The following EXOC6B variants were observed in gnomAD, a reference collection of about 807,000 sequenced individuals.
EXOC6B encodes the protein exocyst complex component 6B.
In EXOC6B, 54 loss-of-function variants were observed where a neutral mutation model predicts 113.5. The ratio of observed to expected loss-of-function variants is 0.48; its 90% CI spans 0.38 to 0.60. The LOEUF (loss-of-function observed/expected upper bound fraction) is 0.60, where lower values mean the gene tolerates loss of function less well. EXOC6B is among the 20% of genes least tolerant of loss of function. The probability of loss-of-function intolerance (pLI) is 0.00; values close to 1 mark genes in which losing one functional copy is unlikely to be tolerated. For missense variants in EXOC6B, 797 were observed against 977.5 expected, an observed-to-expected ratio of 0.82 and a Z score of 2.46; for synonymous variants, 357 against 339.0, an observed-to-expected ratio of 1.05 and a Z score of -0.58.
At chr2:72,533,034 T>C in intron 8 of EXOC6B, among the ~76,000 whole-genome samples, 1 of 152,162 alleles carries the variant, frequency 6.6e-6, no homozygotes, top group East Asian at 1.9e-4. Context: ...TTTGAAATAG[T>C]CAAATATCTG....
intron 6 of EXOC6B, among the ~76,000 whole-genome samples, chr2:72,597,999 G>A (rs1670183476): frequency 6.6e-6 from 1 of 151,782 alleles, no homozygotes; most frequent in Admixed American, 6.6e-5. Context: ...TATTATAATG[G>A]GAGAATTCAA....
intron 20 of EXOC6B, among the ~76,000 whole-genome samples, chr2:72,304,740 T>G (rs1330603632): frequency 6.6e-6 from 1 of 152,140 alleles, no homozygotes; most frequent in Admixed American, 6.5e-5. Flanking sequence ...AGAGCCCTGT[T>G]TTTGGTTATA....
intron 18 of EXOC6B, among the ~76,000 whole-genome samples, chr2:72,459,439 T>G (rs1697480962): frequency 6.6e-6 from 1 of 152,282 alleles, no homozygotes; most frequent in East Asian, 1.9e-4. Flanking sequence ...ATGACAAGAT[T>G]GTATATCTAG....
At chr2:72,664,546 C>T (rs1207514235) in intron 6 of EXOC6B, among the ~76,000 whole-genome samples, 1 of 152,178 alleles carries the variant, frequency 6.6e-6, no homozygotes, top group Non-Finnish European at 1.5e-5. Flanking sequence ...ATAACTCCAA[C>T]CTGAGCAGAG....
At chr2:72,783,252 T>C (rs1344338978) in intron 1 of EXOC6B, among the ~76,000 whole-genome samples, 1 of 151,388 alleles carries the variant, frequency 6.6e-6, no homozygotes. Context: ...ATGGTTTTGA[T>C]TGCATTTCTC....
chr2:72,678,108 C>G (rs892554826), intron 6 of EXOC6B, among the ~76,000 whole-genome samples: 1 of 152,206 alleles, frequency 6.6e-6, no homozygotes, highest in African/African-American at 2.4e-5. Flanking sequence ...CTGACAACAT[C>G]AATGTATTGC....
chr2:72,740,829 G>A (rs1356811031), intron 2 of EXOC6B, among the ~76,000 whole-genome samples: 2 of 151,844 alleles, frequency 1.3e-5, no homozygotes, highest in Non-Finnish European at 2.9e-5. Flanking sequence ...TTGGCTGGGC[G>A]TGGTGGCTCA....
chr2:72,686,418 C>T (rs185388996), intron 6 of EXOC6B, among the ~76,000 whole-genome samples: 10 of 152,236 alleles, frequency 6.6e-5, no homozygotes, highest in South Asian at 2.1e-4. Context: ...GAGATACTCT[C>T]TTAGAGAAGA....
At chr2:72,486,852 G>T (rs1573234203) in intron 16 of EXOC6B, among the ~76,000 whole-genome samples, 1 of 149,968 alleles carries the variant, frequency 6.7e-6, no homozygotes. Context: ...ACTGTTATCT[G>T]TCCCATTAAA....
intron 6 of EXOC6B, among the ~76,000 whole-genome samples, chr2:72,685,936 A>C (rs1677057503): frequency 6.6e-6 from 1 of 152,162 alleles, no homozygotes; most frequent in Admixed American, 6.5e-5. Flanking sequence ...ATCACTTAAC[A>C]TTTTTTTGAA....
At chr2:72,532,039 T>C (rs1702032644) in intron 8 of EXOC6B, among the ~76,000 whole-genome samples, 1 of 152,136 alleles carries the variant, frequency 6.6e-6, no homozygotes, top group Non-Finnish European at 1.5e-5. Flanking sequence ...TGATTTGCTA[T>C]AAGCTCCAAA....
chr2:72,478,568 C>T (rs1299252767), intron 17 of EXOC6B, among the ~76,000 whole-genome samples: 5 of 152,178 alleles, frequency 3.3e-5, no homozygotes, highest in Admixed American at 3.3e-4. Flanking sequence ...GTCAACATGA[C>T]CTTTAGTGGT....
chr2:72,808,014 C>CAA lies in EXOC6B; in HGVS notation c.113+17783_113+17784insTT, dbSNP rs1685675179. On this transcript the variant is annotated intron_variant, in intron 1 of 21. Coordinates refer to ENST00000272427, the MANE Select transcript of EXOC6B (RefSeq NM_015189.3). ...TTGAGGGGATGGATACCCCATTTTC[C>CAA]ATGATGTGATTATTACACATTGCAT... 2.6e-5 allele frequency among the ~76,000 whole-genome samples: 4 copies of CAA among 152,274 alleles called. No individual in the cohort carries two copies. In the South Asian group the frequency reaches 8.3e-4, roughly 32 times the overall value.
intron 18 of EXOC6B, among the ~76,000 whole-genome samples, chr2:72,424,041 G>C (rs1048784570): frequency 1.2e-4 from 18 of 152,164 alleles, no homozygotes; most frequent in African/African-American, 4.3e-4. Flanking sequence ...AGATTGACTT[G>C]CAAATTGTTT....
chr2:72,707,297 C>T (rs1448310534), intron 6 of EXOC6B, among the ~76,000 whole-genome samples: 1 of 152,144 alleles, frequency 6.6e-6, no homozygotes, highest in Admixed American at 6.5e-5. Flanking sequence ...TCTTACACAG[C>T]TTTATATGAG....
chr2:72,686,513 A>AT (rs1250733147), intron 6 of EXOC6B, among the ~76,000 whole-genome samples: 2 of 152,184 alleles, frequency 1.3e-5, no homozygotes, highest in African/African-American at 2.4e-5. Flanking sequence ...TAAGGTACAG[A>AT]TTTTTTGAAA....
In EXOC6B at chr2:72,454,501, T is replaced by TCAA. The variant is rs925449628; in HGVS notation, c.1980+10656_1980+10658dup. ...GTCTGGGTGACAGAGTGAGACTATC[T>TCAA]CAACAACAACAACAACAACAAAAAG... On this transcript the variant is annotated intron_variant, in intron 18 of 21. Coordinates refer to ENST00000272427, the MANE Select transcript of EXOC6B (RefSeq NM_015189.3). Among the ~76,000 whole-genome samples the TCAA allele has an allele frequency of 4.6e-5, 7 of 151,568 alleles. No individual in the cohort carries two copies. The South Asian group carries it at 6.3e-4, about 14-fold the overall frequency.
At chr2:72,332,910 A>C (rs1314687771) in intron 20 of EXOC6B, among the ~76,000 whole-genome samples, 1 of 152,160 alleles carries the variant, frequency 6.6e-6, no homozygotes, top group Non-Finnish European at 1.5e-5. Flanking sequence ...TATTTTCAGC[A>C]CAGGATGTGG....
chr2:72,503,802 T>C (rs1700457149), intron 11 of EXOC6B, among the ~76,000 whole-genome samples: 1 of 152,218 alleles, frequency 6.6e-6, no homozygotes, highest in African/African-American at 2.4e-5. Flanking sequence ...CCATTTTCCA[T>C]TCCCACTAGC....
Sources: allele counts gnomAD v4.1 joint callset (sites outside exome capture counted in the v4.1 genomes callset), GRCh38; gene constraint gnomAD v4.1.1; transcripts MANE v1.5; gene names NCBI Gene and HGNC (gene_info 2026-07-23, HGNC 2026-07-21).